CYP27A1: variants seen among roughly 807,000 people sequenced by gnomAD.
The protein encoded by CYP27A1 is cytochrome P450 family 27 subfamily A member 1.
In CYP27A1, 46 loss-of-function variants were observed where a neutral mutation model predicts 58.2. That is an observed-to-expected ratio of 0.79 (90% CI 0.62 to 1.01). The LOEUF is 1.01. Among genes scored for constraint, CYP27A1 ranks in the 50% least tolerant of loss-of-function variants. CYP27A1 has a pLI of 0.00. For missense variants in CYP27A1, 704 were observed against 687.0 expected, an observed-to-expected ratio of 1.02 and a Z score of -0.28; for synonymous variants, 274 against 285.1, an observed-to-expected ratio of 0.96 and a Z score of 0.39.
chr2:218,809,733 G>C lies in CYP27A1; in HGVS notation c.412G>C (p.Asp138His), dbSNP rs764118885. 2 of 1,613,938 alleles carry C rather than the reference G, an allele frequency of 1.2e-6. No individual in the cohort carries two copies. The highest frequency in any genetic ancestry group is 1.7e-5 in the Admixed American group (1 of 60,012). The change falls in exon 2 of 9, where the codon GAC (aspartate) becomes CAC (histidine). Residue 138 changes from aspartate (D) to histidine (H), a missense_variant. By Grantham distance (81) the Asp-to-His change is moderately conservative (BLOSUM62 -1). Coordinates refer to ENST00000258415, the MANE Select transcript of CYP27A1 (RefSeq NM_000784.4). Reference protein sequence around the residue: ...NDMELWKEHRDQHDLTYGPFT... With the variant: ...NDMELWKEHRHQHDLTYGPFT... Reference sequence around the variant, plus strand: ...CATGGAGCTATGGAAGGAGCACCGGGACCAGCACGACCTGACCTATGGGCC... The same window carrying C: ...CATGGAGCTATGGAAGGAGCACCGGCACCAGCACGACCTGACCTATGGGCC...
At chr2:218,801,979 CTT>C (rs10630235) in intron 1 of CYP27A1, among the ~76,000 whole-genome samples, 10 of 130,576 alleles carry the variant, frequency 7.7e-5, no homozygotes, top group Admixed American at 7.6e-5. Flanking sequence ...TGCTAGCAGG[CTT>C]TTTTTTTTTT....
intron 1 of CYP27A1, among the ~76,000 whole-genome samples, chr2:218,801,593 T>C (rs1329719787): frequency 1.3e-5 from 2 of 152,096 alleles, no homozygotes; most frequent in Non-Finnish European, 2.9e-5. Flanking sequence ...TTTTCAACTA[T>C]GATATTTGCA....
At chr2:218,793,997 C>T (rs772761769) in intron 1 of CYP27A1, among the ~76,000 whole-genome samples, 4 of 152,090 alleles carry the variant, frequency 2.6e-5, no homozygotes, top group Middle Eastern at 3.4e-3. Flanking sequence ...AGATTAGGCT[C>T]GCGGACACAT....
intron 1 of CYP27A1, among the ~76,000 whole-genome samples, chr2:218,792,160 G>T (rs1943500070): frequency 6.6e-6 from 1 of 152,064 alleles, no homozygotes; most frequent in African/African-American, 2.4e-5. Context: ...AAGCTTTAAG[G>T]ACTCAGGAAG....
chr2:218,786,467 A>G (rs1356809017), intron 1 of CYP27A1, among the ~76,000 whole-genome samples: 6 of 152,230 alleles, frequency 3.9e-5, no homozygotes, highest in Admixed American at 3.9e-4. Context: ...TGTAGCACTT[A>G]AGGGAGTGTG....
chr2:218,789,521 T>C (rs528107336), intron 1 of CYP27A1, among the ~76,000 whole-genome samples: 1 of 152,344 alleles, frequency 6.6e-6, no homozygotes, highest in African/African-American at 2.4e-5. Flanking sequence ...AGCTTGGCAT[T>C]AGCCTAATTT....
chr2:218,799,645 A>G (rs1165367135), intron 1 of CYP27A1, among the ~76,000 whole-genome samples: 1 of 151,982 alleles, frequency 6.6e-6, no homozygotes, highest in East Asian at 1.9e-4. Flanking sequence ...ACCAACCTCC[A>G]TAATCATGTG....
At chr2:218,809,844 G>A in intron 2 of CYP27A1, 77 bp downstream of exon 2, 3 of 1,377,610 alleles carry the variant, frequency 2.2e-6, no homozygotes, top group Non-Finnish European at 3.0e-6. Context: ...GGGCAGGCAG[G>A]TGGATAACCG....
chr2:218,782,610 G>A lies in CYP27A1; in HGVS notation c.255+173G>A, dbSNP rs949363678. 1.3e-5 allele frequency among the ~76,000 whole-genome samples: 2 copies of A among 152,176 alleles called. No homozygotes were observed. Among genetic ancestry groups the A allele is most frequent in the African/African-American group, 4.8e-5 (2 of 41,438 alleles). On this transcript the variant is annotated intron_variant, in intron 1 of 8. Transcript: ENST00000258415. This position sits in a 1 kb window ranked among gnomAD's most constrained non-coding sequence, Gnocchi z 4.1. ...AGGGAGAATGGGCAAAGTGCAGACA[G>A]AGCCCTTTGAGCTGAGATAAACAGG...
chr2:218,787,821 C>T (rs1267805276), intron 1 of CYP27A1, among the ~76,000 whole-genome samples: 1 of 152,174 alleles, frequency 6.6e-6, no homozygotes, highest in African/African-American at 2.4e-5. Flanking sequence ...TATAAATTAC[C>T]CAGCCTCAGA....
chr2:218,799,842 T>A (rs1025388610), intron 1 of CYP27A1, among the ~76,000 whole-genome samples: 3 of 152,062 alleles, frequency 2.0e-5, no homozygotes, highest in Non-Finnish European at 4.4e-5. Context: ...GGTGCCCCAA[T>A]GACTTGTGCC....
chr2:218,813,616 G>T (rs1320067646), intron 5 of CYP27A1, among the ~76,000 whole-genome samples: 1 of 151,890 alleles, frequency 6.6e-6, no homozygotes, highest in Non-Finnish European at 1.5e-5. Context: ...TTTTAGTAGA[G>T]ACGGGGGTTT....
chr2:218,808,210 A>C (rs1943671012), intron 1 of CYP27A1, among the ~76,000 whole-genome samples: 1 of 152,226 alleles, frequency 6.6e-6, no homozygotes, highest in South Asian at 2.1e-4. Context: ...GAGTCCTACC[A>C]GCAGTATATT....
At chr2:218,787,957 C>T (rs1031711968) in intron 1 of CYP27A1, among the ~76,000 whole-genome samples, 23 of 152,196 alleles carry the variant, frequency 1.5e-4, no homozygotes, top group African/African-American at 5.1e-4. Flanking sequence ...TATCCCAAAC[C>T]GTGGTTGCTT....
chr2:218,785,900 T>C (rs772214897), intron 1 of CYP27A1, among the ~76,000 whole-genome samples: 2 of 152,232 alleles, frequency 1.3e-5, no homozygotes, highest in Non-Finnish European at 2.9e-5. Flanking sequence ...GCTCAAACTA[T>C]AAAGCAGCTT....
intron 1 of CYP27A1, among the ~76,000 whole-genome samples, chr2:218,792,111 T>C (rs1943499588): frequency 6.6e-6 from 1 of 152,128 alleles, no homozygotes; most frequent in South Asian, 2.1e-4. Context: ...TTTATGTTTT[T>C]CATGATGAGT....
intron 1 of CYP27A1, among the ~76,000 whole-genome samples, chr2:218,788,031 G>A (rs1427626697): frequency 6.6e-6 from 1 of 152,240 alleles, no homozygotes; most frequent in East Asian, 1.9e-4. Context: ...AGGGCACAGT[G>A]TAAATGACTT....
chr2:218,790,386 G>A (rs534845817), intron 1 of CYP27A1, among the ~76,000 whole-genome samples: 3 of 152,284 alleles, frequency 2.0e-5, no homozygotes, highest in African/African-American at 7.2e-5. Context: ...CTAGAGTTTG[G>A]ACTATGCTCC....
intron 1 of CYP27A1, among the ~76,000 whole-genome samples, chr2:218,791,166 T>C (rs1424212160): frequency 6.6e-6 from 1 of 152,234 alleles, no homozygotes; most frequent in Non-Finnish European, 1.5e-5. Flanking sequence ...TTGCCTCATT[T>C]ACTCCAAACC....
Sources: gnomAD v4.1 joint callset for allele counts (sites outside exome capture counted in the v4.1 genomes callset) on GRCh38, gnomAD v4.1.1 for gene constraint, Gnocchi (gnomAD v3.1) non-coding constraint, MANE v1.5 for transcripts, NCBI Gene and HGNC (gene_info 2026-07-23, HGNC 2026-07-21) for gene names.